Variants in MAP2K4 observed in about 807,000 individuals in gnomAD.
MAP2K4 encodes the protein mitogen-activated protein kinase kinase 4.
A neutral mutation model predicts 48.5 loss-of-function variants in MAP2K4; 4 were observed. The ratio of observed to expected loss-of-function variants is 0.08; its 90% confidence interval spans 0.04 to 0.19. The LOEUF is 0.19. MAP2K4 is among the 10% of genes least tolerant of loss of function. The pLI, the probability that MAP2K4 is intolerant of heterozygous loss-of-function variation, is 1.00. For synonymous variants in MAP2K4, 166 were observed against 173.1 expected (o/e 0.96, Z 0.32); for missense variants, 258 against 493.3 (o/e 0.52, Z 4.52).
At chr17:12,099,950 T>G (rs1971882793) in intron 4 of MAP2K4, among the ~76,000 whole-genome samples, 1 of 152,168 alleles carries the variant, frequency 6.6e-6, no homozygotes, top group Admixed American at 6.5e-5. Flanking sequence ...TTCATCAGAT[T>G]ATAGAAGGCA....
chr17:12,089,751 G>T (rs1971502801), intron 3 of MAP2K4, among the ~76,000 whole-genome samples: 1 of 152,186 alleles, frequency 6.6e-6, no homozygotes, highest in Non-Finnish European at 1.5e-5. Context: ...AGAATTTAGA[G>T]ATCTGCCAGG....
chr17:12,132,016 A>G (rs1202707080), intron 9 of MAP2K4, among the ~76,000 whole-genome samples: 1 of 152,210 alleles, frequency 6.6e-6, no homozygotes, highest in East Asian at 1.9e-4. Flanking sequence ...GGAGACATGC[A>G]GGTCAGAACT....
At chr17:12,132,214 A>G (rs1031144009) in intron 9 of MAP2K4, among the ~76,000 whole-genome samples, 5 of 152,222 alleles carry the variant, frequency 3.3e-5, no homozygotes, top group African/African-American at 1.2e-4. Flanking sequence ...TGTATACACC[A>G]TGGTTCAGCA....
intron 4 of MAP2K4, 119 bp from the exon 5 acceptor site, chr17:12,107,671 A>G (rs751465562): frequency 2.4e-6 from 2 of 849,076 alleles, no homozygotes. Context: ...AATTATTACT[A>G]GTTTGACATT....
intron 2 of MAP2K4, among the ~76,000 whole-genome samples, chr17:12,061,556 G>C (rs1210927841): frequency 6.6e-6 from 1 of 152,138 alleles, no homozygotes; most frequent in Non-Finnish European, 1.5e-5. Context: ...TGCTAATTCT[G>C]GAATATGTAT....
chr17:12,136,814 C>A (rs1325033213), intron 9 of MAP2K4, among the ~76,000 whole-genome samples: 1 of 152,100 alleles, frequency 6.6e-6, no homozygotes, highest in African/African-American at 2.4e-5. Context: ...AGAAAGCAAA[C>A]CTCTGTGTGG....
At chr17:12,101,114 A>G (rs1018683720) in intron 4 of MAP2K4, among the ~76,000 whole-genome samples, 3 of 152,142 alleles carry the variant, frequency 2.0e-5, no homozygotes, top group Non-Finnish European at 4.4e-5. Flanking sequence ...GATGTTGTGT[A>G]TAAGAGCTCT....
intron 9 of MAP2K4, among the ~76,000 whole-genome samples, chr17:12,136,517 G>A (rs1973213713): frequency 6.6e-6 from 1 of 152,208 alleles, no homozygotes; most frequent in Admixed American, 6.5e-5. Flanking sequence ...TCTGTCTAGT[G>A]TGGTAGCTGC....
intron 3 of MAP2K4, among the ~76,000 whole-genome samples, chr17:12,090,205 C>T (rs1342673656): frequency 2.0e-5 from 3 of 152,174 alleles, no homozygotes; most frequent in Non-Finnish European, 4.4e-5. Context: ...TCTTCACATA[C>T]ATTGTTCAAG....
At chr17:12,042,136 G>A (rs181473230) in intron 1 of MAP2K4, among the ~76,000 whole-genome samples, 7 of 130,770 alleles carry the variant, frequency 5.4e-5, no homozygotes, top group Non-Finnish European at 9.4e-5. Flanking sequence ...AACCGAGATC[G>A]TGCCTGGGCA....
chr17:12,104,426 TCTC>T (rs1972040655), intron 4 of MAP2K4, among the ~76,000 whole-genome samples: 1 of 152,096 alleles, frequency 6.6e-6, no homozygotes, highest in Non-Finnish European at 1.5e-5. Flanking sequence ...CTGTCACAGA[TCTC>T]CTTTTACCTG....
intron 2 of MAP2K4, among the ~76,000 whole-genome samples, chr17:12,072,705 G>A (rs950198841): frequency 2.6e-5 from 4 of 152,074 alleles, no homozygotes; most frequent in Admixed American, 2.6e-4. Context: ...GCAGTATAAG[G>A]TACTCATGAA....
At position 12,094,122 on chromosome 17, in the gene MAP2K4, TCTTA is replaced by T. The variant is rs1319349408; in HGVS notation, c.394-1449_394-1446del. Among the ~76,000 whole-genome samples, 5 of 152,348 alleles carry T rather than the reference TCTTA, an allele frequency of 3.3e-5. No homozygotes were observed. In the South Asian group the frequency reaches 6.2e-4, roughly 19 times the overall value. On this transcript the variant is annotated intron_variant, in intron 3 of 10. Coordinates refer to ENST00000353533, the MANE Select transcript of MAP2K4 (RefSeq NM_003010.4). Reference sequence around the variant, plus strand: ...GTCTTATTTTGTTTCCATTTTTCATTCTTACTTTAGTGCTTGTTTATCTGAGCAT... The same window carrying T: ...GTCTTATTTTGTTTCCATTTTTCATTCTTTAGTGCTTGTTTATCTGAGCAT...
intron 3 of MAP2K4, among the ~76,000 whole-genome samples, chr17:12,084,301 G>A (rs960065417): frequency 6.6e-6 from 1 of 152,206 alleles, no homozygotes; most frequent in Non-Finnish European, 1.5e-5. Context: ...TTTGAGGACA[G>A]TCTCCCAAGC....
Position 12,124,565 on chromosome 17 carries a change from T to C in MAP2K4, c.814-729T>C, listed in dbSNP as rs369216141. 3 of 152,360 alleles carry C rather than the reference T, an allele frequency of 2.0e-5. No individual in the cohort carries two copies. The East Asian group carries it at 5.8e-4, about 29-fold the overall frequency. 9.4% of individuals were successfully genotyped at this position (152,360 alleles called of 1,614,324 possible). On this transcript the variant is annotated intron_variant, in intron 7 of 10. Transcript: ENST00000353533. ...CTTTTGTGTCTCAAATATATTGTGG[T>C]ATGGCCTCATCCACCGAGCAAAGTC...
chr17:12,047,500 A>G (rs991282705), intron 1 of MAP2K4, among the ~76,000 whole-genome samples: 2 of 152,226 alleles, frequency 1.3e-5, no homozygotes, highest in Non-Finnish European at 2.9e-5. Context: ...GTTGAGCTTC[A>G]AAACTAGGCC....
intron 9 of MAP2K4, among the ~76,000 whole-genome samples, chr17:12,133,133 G>A (rs1973086049): frequency 6.6e-6 from 1 of 152,104 alleles, no homozygotes; most frequent in East Asian, 1.9e-4. Flanking sequence ...CCAGGCTGGA[G>A]TGTAGTGGCG....
chr17:12,056,774 T>C (rs572795874), intron 2 of MAP2K4, among the ~76,000 whole-genome samples: 54 of 152,282 alleles, frequency 3.5e-4, no homozygotes, highest in African/African-American at 1.2e-3. Context: ...CCTTTTGTAC[T>C]CTTCCTCTGA....
At chr17:12,140,000 T>C (rs1567678995) in intron 10 of MAP2K4, 116 bp downstream of exon 10, 1 of 609,990 alleles carries the variant, frequency 1.6e-6, no homozygotes, top group Non-Finnish European at 2.7e-6. Context: ...CTCAAATTTA[T>C]TGAGTGTTTT....
Sources: allele counts gnomAD v4.1 joint callset (sites outside exome capture counted in the v4.1 genomes callset), GRCh38; gene constraint gnomAD v4.1.1; transcripts MANE v1.5; gene names NCBI Gene and HGNC (gene_info 2026-07-23, HGNC 2026-07-21).